GALNTL6: variants seen among roughly 807,000 people sequenced by gnomAD.
GALNTL6 encodes the protein polypeptide N-acetylgalactosaminyltransferase like 6, also known as polypeptide N-acetylgalactosaminyltransferase-like 6.
In GALNTL6, 46 loss-of-function variants were observed where a neutral mutation model predicts 73.7. The observed-to-expected ratio is 0.62, with a 90% CI of 0.49 to 0.80. The LOEUF is 0.80. Among genes scored for constraint, GALNTL6 ranks in the 30% least tolerant of loss-of-function variants. The probability of loss-of-function intolerance (pLI) is 0.00; values close to 1 mark genes in which losing one functional copy is unlikely to be tolerated. For synonymous variants in GALNTL6, 259 were observed against 263.7 expected, an observed-to-expected ratio of 0.98 and a Z score of 0.17; for missense variants, 604 against 755.0, an observed-to-expected ratio of 0.80 and a Z score of 2.34.
chr4:172,499,023 A>G (rs1168204271), intron 5 of GALNTL6, among the ~76,000 whole-genome samples: 1 of 152,188 alleles, frequency 6.6e-6, no homozygotes, highest in Non-Finnish European at 1.5e-5. Flanking sequence ...AGGTGGGGCT[A>G]GTCAGTATTG....
intron 5 of GALNTL6, among the ~76,000 whole-genome samples, chr4:172,531,899 G>A (rs1446752826): frequency 1.3e-5 from 2 of 152,180 alleles, no homozygotes; most frequent in South Asian, 2.1e-4. Context: ...CATGGTCCAA[G>A]ACACCAAAGT....
chr4:171,889,176 C>T (rs1202208317), intron 2 of GALNTL6, among the ~76,000 whole-genome samples: 1 of 151,886 alleles, frequency 6.6e-6, no homozygotes, highest in Non-Finnish European at 1.5e-5. Context: ...TAGTCTTTGA[C>T]ATAATAGGAG....
At chr4:172,868,878 G>A (rs895578764) in intron 7 of GALNTL6, among the ~76,000 whole-genome samples, 5 of 152,066 alleles carry the variant, frequency 3.3e-5, no homozygotes, top group African/African-American at 1.2e-4. Flanking sequence ...TTAATCCTGG[G>A]ACTGGAGGGC....
intron 5 of GALNTL6, among the ~76,000 whole-genome samples, chr4:172,532,452 G>A (rs990177509): frequency 2.0e-5 from 3 of 152,186 alleles, no homozygotes; most frequent in Admixed American, 2.0e-4. Context: ...TGGAGTTCTA[G>A]TCTCCAGAAT....
At position 172,714,748 on chromosome 4, in the gene GALNTL6, G is replaced by A. The variant is rs545276624; in HGVS notation, c.554-94613G>A. ...TTGAAACTCAGTATTCAGGAAAGCA[G>A]CAGGATAAATTGAGAGGAGTGTGGG... is the stretch of plus-strand genomic sequence containing the variant. On this transcript the variant is annotated intron_variant, in intron 5 of 12. Transcript: ENST00000506823. Among the ~76,000 whole-genome samples the A allele has an allele frequency of 2.6e-5, 4 of 152,226 alleles. No homozygotes were observed. In the South Asian group the frequency reaches 8.3e-4, roughly 32 times the overall value.
rs557372965 is a variant in GALNTL6 at position 172,780,615 on chromosome 4, C to T, written c.554-28746C>T. ...TATTGCCTTGACATTTTTTCCTGGC[C>T]GCTTAGACTTTTAAAATGTTCTCAC... On this transcript the variant is annotated intron_variant, in intron 5 of 12. Coordinates refer to ENST00000506823, the MANE Select transcript of GALNTL6 (RefSeq NM_001034845.3). Among the ~76,000 whole-genome samples, 52 of 152,202 alleles carry T rather than the reference C, an allele frequency of 3.4e-4. 1 individual carries two copies. The South Asian group carries it at 5.2e-3, about 15-fold the overall frequency.
At chr4:172,100,884 G>A (rs1322211113) in intron 2 of GALNTL6, among the ~76,000 whole-genome samples, 9 of 152,138 alleles carry the variant, frequency 5.9e-5, no homozygotes, top group Admixed American at 2.6e-4. Flanking sequence ...TAGTATGGAA[G>A]TAGGAGGGTG....
chr4:172,238,102 C>A (rs77517299), intron 3 of GALNTL6, among the ~76,000 whole-genome samples: 2 of 151,846 alleles, frequency 1.3e-5, no homozygotes, highest in South Asian at 4.2e-4. Context: ...TTTAAAATAG[C>A]TTTTTTTAGT....
chr4:172,065,565 A>G (rs544285743), intron 2 of GALNTL6, among the ~76,000 whole-genome samples: 12 of 152,328 alleles, frequency 7.9e-5, no homozygotes, highest in Non-Finnish European at 1.5e-4. Context: ...TTTGAAAAAA[A>G]AAGACTAATT....
intron 2 of GALNTL6, among the ~76,000 whole-genome samples, chr4:171,973,148 A>T (rs953391310): frequency 1.3e-5 from 2 of 152,172 alleles, no homozygotes; most frequent in Non-Finnish European, 2.9e-5. Flanking sequence ...GGGAAGTTGT[A>T]TGTGGGAGAA....
chr4:172,423,382 A>G (rs1731116890), intron 5 of GALNTL6, among the ~76,000 whole-genome samples: 1 of 151,974 alleles, frequency 6.6e-6, no homozygotes, highest in Admixed American at 6.6e-5. Flanking sequence ...TTTTTTAATT[A>G]ACTGCCTGAC....
At chr4:171,983,512 C>T (rs140721429) in intron 2 of GALNTL6, among the ~76,000 whole-genome samples, 58 of 138,754 alleles carry the variant, frequency 4.2e-4, no homozygotes, top group Non-Finnish European at 6.8e-4. Context: ...TTATTTGAGA[C>T]GGGGTCTCTC....
chr4:172,627,219 A>G (rs1038662588), intron 5 of GALNTL6, among the ~76,000 whole-genome samples: 1 of 152,128 alleles, frequency 6.6e-6, no homozygotes, highest in Non-Finnish European at 1.5e-5. Context: ...GTTGAATTTC[A>G]TCAAAGGCTG....
chr4:172,560,390 TG>T (rs1314633066), intron 5 of GALNTL6, among the ~76,000 whole-genome samples: 1 of 151,728 alleles, frequency 6.6e-6, no homozygotes, highest in African/African-American at 2.4e-5. Context: ...CCCACCTACT[TG>T]GGAAGGTAAG....
intron 5 of GALNTL6, among the ~76,000 whole-genome samples, chr4:172,575,959 TG>T (rs796741514): frequency 6.4e-4 from 97 of 152,338 alleles, no homozygotes; most frequent in African/African-American, 2.3e-3. Flanking sequence ...TGTTGTTGAC[TG>T]GAGCTTTCAC....
intron 3 of GALNTL6, among the ~76,000 whole-genome samples, chr4:172,243,557 C>T (rs980471856): frequency 6.6e-6 from 1 of 152,148 alleles, no homozygotes; most frequent in Admixed American, 6.6e-5. Context: ...CCTGCCACAA[C>T]ATGCTTGCTG....
At chr4:172,054,412 G>A (rs930985140) in intron 2 of GALNTL6, among the ~76,000 whole-genome samples, 2 of 152,062 alleles carry the variant, frequency 1.3e-5, no homozygotes, top group Non-Finnish European at 1.5e-5. Context: ...TGAAATTGAT[G>A]GAATGGCTTA....
chr4:171,989,109 C>A (rs1377179149), intron 2 of GALNTL6, among the ~76,000 whole-genome samples: 2 of 151,944 alleles, frequency 1.3e-5, no homozygotes, highest in African/African-American at 4.8e-5. Context: ...AGAAGCCTGG[C>A]CGTCAATAGC....
Position 172,825,497 on chromosome 4 carries a change from T to A in GALNTL6, c.923+11774T>A, listed in dbSNP as rs527432022. On this transcript the variant is annotated intron_variant, in intron 7 of 12. Coordinates refer to ENST00000506823, the MANE Select transcript of GALNTL6 (RefSeq NM_001034845.3). ...TGTTTTTCTATCAGTGGGAACTAGG[T>A]TGGAAGCCCCAGACTCTGCCCAGAT... 2.0e-5 allele frequency among the ~76,000 whole-genome samples: 3 copies of A among 152,084 alleles called. No individual in the cohort carries two copies. The East Asian group carries it at 5.8e-4, about 29-fold the overall frequency.
Sources: allele counts gnomAD v4.1 joint callset (sites outside exome capture counted in the v4.1 genomes callset), GRCh38; gene constraint gnomAD v4.1.1; transcripts MANE v1.5; gene names NCBI Gene and HGNC (gene_info 2026-07-23, HGNC 2026-07-21).